The following IQCK variants were observed in gnomAD, a reference collection of about 807,000 sequenced individuals.
The protein encoded by IQCK is IQ domain-containing protein K.
A neutral mutation model predicts 28.1 loss-of-function variants in IQCK; 29 were observed. That is an observed-to-expected ratio of 1.03 (90% CI 0.77 to 1.41). IQCK has a LOEUF of 1.41. IQCK is among the 40% of genes most tolerant of loss of function. The pLI is 0.00. For synonymous variants in IQCK, 113 were observed against 115.1 expected (o/e 0.98, Z 0.12); for missense variants, 359 against 314.7 (o/e 1.14, Z -1.07).
At chr16:19,732,779 G>T (rs1022329081) in intron 2 of IQCK, among the ~76,000 whole-genome samples, 1 of 151,946 alleles carries the variant, frequency 6.6e-6, no homozygotes, top group African/African-American at 2.4e-5. Context: ...TTTTTCTTAC[G>T]CTACCATCAT....
chr16:19,718,508 G>A (rs370808833), intron 1 of IQCK, 21 bp downstream of exon 1: 4 of 1,571,944 alleles, frequency 2.5e-6, no homozygotes, highest in Non-Finnish European at 3.4e-6. Flanking sequence ...TGGGCTGGCC[G>A]AGAGGGGCGG....
At chr16:19,822,574 G>A (rs558741919) in intron 7 of IQCK, among the ~76,000 whole-genome samples, 1 of 152,148 alleles carries the variant, frequency 6.6e-6, no homozygotes, top group African/African-American at 2.4e-5. Context: ...ATGATTGTAC[G>A]ATTCCATTTG....
At chr16:19,803,638 C>T (rs1206408171) in intron 7 of IQCK, among the ~76,000 whole-genome samples, 1 of 152,138 alleles carries the variant, frequency 6.6e-6, no homozygotes, top group Non-Finnish European at 1.5e-5. Flanking sequence ...ACCAAGTTAT[C>T]ATGGAATTAA....
At chr16:19,720,216 G>A (rs985543367) in intron 1 of IQCK, among the ~76,000 whole-genome samples, 1 of 152,112 alleles carries the variant, frequency 6.6e-6, no homozygotes, top group African/African-American at 2.4e-5. Context: ...ACCTTACATT[G>A]TGCTAGAAAA....
At chr16:19,723,846 G>C (rs1977571318) in intron 1 of IQCK, among the ~76,000 whole-genome samples, 1 of 151,998 alleles carries the variant, frequency 6.6e-6, no homozygotes, top group Non-Finnish European at 1.5e-5. Context: ...TGTAGTCCCA[G>C]CTACTCAGGA....
chr16:19,724,677 C>T (rs1977600201), intron 1 of IQCK, among the ~76,000 whole-genome samples: 1 of 152,088 alleles, frequency 6.6e-6, no homozygotes, highest in African/African-American at 2.4e-5. Context: ...TACAGGTGCC[C>T]GCCACCACAC....
chr16:19,725,264 C>T (rs535025014), intron 1 of IQCK, among the ~76,000 whole-genome samples: 4 of 152,130 alleles, frequency 2.6e-5, no homozygotes, highest in East Asian at 3.9e-4. Flanking sequence ...GTGGCGTGAT[C>T]GTGCTTACTA....
intron 9 of IQCK, among the ~76,000 whole-genome samples, chr16:19,843,807 C>T (rs368648591): frequency 2.0e-5 from 3 of 152,120 alleles, no homozygotes; most frequent in African/African-American, 4.8e-5. Context: ...CCAGTTCTAC[C>T]AGATCAGGTA....
intron 1 of IQCK, among the ~76,000 whole-genome samples, chr16:19,723,387 C>T (rs1225694249): frequency 6.6e-6 from 1 of 152,138 alleles, no homozygotes; most frequent in African/African-American, 2.4e-5. Context: ...TACCATTCAC[C>T]CAAATCATCC....
intron 4 of IQCK, among the ~76,000 whole-genome samples, chr16:19,738,347 G>A (rs2151687806): frequency 6.6e-6 from 1 of 152,326 alleles, no homozygotes; most frequent in East Asian, 1.9e-4. Context: ...AAGAAGATAT[G>A]CTTCTATTTC....
exon 8 of IQCK, chr16:19,827,186 T>A (rs753405012): frequency 2.3e-5 from 31 of 1,334,262 alleles, no homozygotes; most frequent in Non-Finnish European, 8.6e-6. Flanking sequence ...AAAGCCTGAT[T>A]CTTATTCCAG....
intron 6 of IQCK, among the ~76,000 whole-genome samples, chr16:19,783,061 C>T (rs1179828675): frequency 6.6e-6 from 1 of 150,404 alleles, no homozygotes; most frequent in South Asian, 2.1e-4. Flanking sequence ...TACAGTGGTG[C>T]GATCTTGGCT....
intron 4 of IQCK, chr16:19,736,050 C>A: frequency 2.2e-6 from 1 of 453,264 alleles, no homozygotes. Flanking sequence ...TGGGCAATAG[C>A]AAGACCCTCA....
At chr16:19,832,817 T>C (rs1350536845) in intron 9 of IQCK, among the ~76,000 whole-genome samples, 2 of 152,102 alleles carry the variant, frequency 1.3e-5, no homozygotes, top group African/African-American at 4.8e-5. Flanking sequence ...GCACGTCTTA[T>C]ATGGCGGCAG....
In IQCK at chr16:19,763,854, A is replaced by G. The variant is rs773849654; in HGVS notation, c.481A>G (p.Arg161Gly). ...TTATCTCTTCTCTCTTCAGAGGAAA[A>G]GAACCAAATTCATTGCCTGTGATTT... The change falls in exon 5 of 8, where the codon AGA (arginine) becomes GGA (glycine). Residue 161 changes from arginine to glycine, a missense_variant. Coordinates refer to ENST00000564186, the Ensembl canonical transcript of IQCK. The G allele has an allele frequency of 2.0e-5, 32 of 1,612,828 alleles. 1 individual carries two copies. The highest frequency in any genetic ancestry group is 1.9e-4 in the South Asian group (17 of 91,062).
chr16:19,840,777 C>G (rs1159350944), intron 9 of IQCK, among the ~76,000 whole-genome samples: 1 of 152,246 alleles, frequency 6.6e-6, no homozygotes. Flanking sequence ...TCCTCCCTCT[C>G]TCTCTCCTCA....
At chr16:19,773,272 C>T (rs2055342288) in intron 6 of IQCK, among the ~76,000 whole-genome samples, 1 of 152,112 alleles carries the variant, frequency 6.6e-6, no homozygotes, top group African/African-American at 2.4e-5. Context: ...GCCCAACTGA[C>T]AAGTATTGTG....
At chr16:19,772,386 C>CA (rs1415466879) in intron 6 of IQCK, among the ~76,000 whole-genome samples, 2 of 150,212 alleles carry the variant, frequency 1.3e-5, no homozygotes, top group Non-Finnish European at 3.0e-5. Context: ...GATCCCAATT[C>CA]AAAAAAACGG....
intron 7 of IQCK, among the ~76,000 whole-genome samples, chr16:19,822,089 A>C (rs558955814): frequency 4.7e-5 from 7 of 150,288 alleles, no homozygotes; most frequent in South Asian, 2.1e-4. Context: ...AAAAACAAAA[A>C]AAAAAACAAA....
Sources: gnomAD v4.1 joint callset for allele counts (sites outside exome capture counted in the v4.1 genomes callset) on GRCh38, gnomAD v4.1.1 for gene constraint, MANE v1.5 for transcripts, NCBI Gene and HGNC (gene_info 2026-07-23, HGNC 2026-07-21) for gene names.